Variants in PRDM16 observed in about 807,000 individuals in gnomAD.
The protein encoded by PRDM16 is PR/SET domain 16.
In PRDM16, 23 loss-of-function variants were observed where a neutral mutation model predicts 110.6. The ratio of observed to expected loss-of-function variants is 0.21; its 90% CI spans 0.15 to 0.29. The LOEUF (loss-of-function observed/expected upper bound fraction) is 0.29, where lower values mean the gene tolerates loss of function less well. Among genes scored for constraint, PRDM16 ranks in the 10% least tolerant of loss-of-function variants. The pLI, the probability that PRDM16 is intolerant of heterozygous loss-of-function variation, is 1.00. For missense variants in PRDM16, 1,615 were observed against 1,794.3 expected (o/e 0.90, Z 1.81); for synonymous variants, 799 against 781.8 (o/e 1.02, Z -0.37).
At chr1:3,117,981 T>C (rs750512024) in intron 1 of PRDM16, among the ~76,000 whole-genome samples, 6 of 152,050 alleles carry the variant, frequency 3.9e-5, no homozygotes, top group African/African-American at 7.3e-5. Flanking sequence ...ATGCTGTGTG[T>C]GTGTACATGC....
intron 3 of PRDM16, among the ~76,000 whole-genome samples, chr1:3,332,378 C>T (rs1038676859): frequency 4.4e-5 from 4 of 91,158 alleles, no homozygotes; most frequent in Non-Finnish European, 8.7e-5. Context: ...CCTCTAATGT[C>T]GGGGTGGTGT....
intron 1 of PRDM16, among the ~76,000 whole-genome samples, chr1:3,096,994 G>C (rs919965055): frequency 6.6e-6 from 1 of 152,144 alleles, no homozygotes; most frequent in African/African-American, 2.4e-5. Context: ...TAGAGTCTCG[G>C]CTCCCTCTGG....
At chr1:3,378,264 A>G (rs1643029987) in intron 3 of PRDM16, among the ~76,000 whole-genome samples, 1 of 152,174 alleles carries the variant, frequency 6.6e-6, no homozygotes, top group Non-Finnish European at 1.5e-5. Context: ...CCCTGGTCAG[A>G]TGCAACTTGG....
At chr1:3,202,479 C>T (rs1362144046) in intron 2 of PRDM16, among the ~76,000 whole-genome samples, 5 of 152,122 alleles carry the variant, frequency 3.3e-5, no homozygotes, top group South Asian at 2.1e-4. Context: ...TGGTCACAGG[C>T]GACTTCAGAA....
chr1:3,387,071 A>C (rs145580180), intron 4 of PRDM16, among the ~76,000 whole-genome samples: 5 of 152,318 alleles, frequency 3.3e-5, no homozygotes, highest in African/African-American at 1.2e-4. Context: ...TCCAAAAGGA[A>C]TGGACTGCTT....
At chr1:3,340,744 G>A (rs576526160) in intron 3 of PRDM16, among the ~76,000 whole-genome samples, 8 of 152,334 alleles carry the variant, frequency 5.3e-5, no homozygotes, top group African/African-American at 1.9e-4. Flanking sequence ...GACGTGTTTT[G>A]TAAAGGCCAT....
chr1:3,087,824 G>A (rs1410368839), intron 1 of PRDM16, among the ~76,000 whole-genome samples: 2 of 151,920 alleles, frequency 1.3e-5, no homozygotes, highest in Non-Finnish European at 2.9e-5. Context: ...TGGACAACAA[G>A]TCTCTGGTTA....
At chr1:3,376,813 C>G (rs780060772) in intron 3 of PRDM16, among the ~76,000 whole-genome samples, 1 of 150,838 alleles carries the variant, frequency 6.6e-6, no homozygotes, top group South Asian at 2.1e-4. Flanking sequence ...CCCAGGCTTG[C>G]TGACCGCCGA....
At chr1:3,423,307 G>A (rs1041841456) in intron 12 of PRDM16, among the ~76,000 whole-genome samples, 26 of 152,194 alleles carry the variant, frequency 1.7e-4, no homozygotes, top group Non-Finnish European at 2.9e-4. Context: ...TCTCACGGCC[G>A]CAGCCCCTGC....
intron 10 of PRDM16, 107 bp downstream of exon 10, chr1:3,414,754 G>A (rs1165320110): frequency 1.2e-6 from 1 of 822,002 alleles, no homozygotes; most frequent in Non-Finnish European, 2.0e-6. Flanking sequence ...TCCCCGTCCA[G>A]GCCATACCAC....
chr1:3,325,554 T>C (rs1464512182), intron 3 of PRDM16, among the ~76,000 whole-genome samples: 3 of 152,228 alleles, frequency 2.0e-5, no homozygotes, highest in Non-Finnish European at 1.5e-5. Flanking sequence ...ACTGTGTTTA[T>C]TTCCTGGAGC....
At chr1:3,202,363 A>G in intron 2 of PRDM16, among the ~76,000 whole-genome samples, 1 of 103,046 alleles carries the variant, frequency 9.7e-6, no homozygotes, top group African/African-American at 3.9e-5. Context: ...GAGGCTGGGG[A>G]AGCCTAGGGG....
At chr1:3,292,365 T>G (rs1247089099) in intron 3 of PRDM16, among the ~76,000 whole-genome samples, 2 of 152,140 alleles carry the variant, frequency 1.3e-5, no homozygotes, top group Non-Finnish European at 2.9e-5. Flanking sequence ...ATCAAAGTGG[T>G]GTCCGGCTCT....
chr1:3,142,131 TC>T (rs1249027175), intron 1 of PRDM16, among the ~76,000 whole-genome samples: 1 of 152,000 alleles, frequency 6.6e-6, no homozygotes, highest in Non-Finnish European at 1.5e-5. Flanking sequence ...CTCCATCGGC[TC>T]CCCCCGTCCA....
chr1:3,218,969 C>A (rs553685970), intron 2 of PRDM16, among the ~76,000 whole-genome samples: 8 of 152,364 alleles, frequency 5.3e-5, no homozygotes, highest in Admixed American at 3.3e-4. Context: ...TCCGAAAGTT[C>A]ACAGCCTGGG....
intron 1 of PRDM16, among the ~76,000 whole-genome samples, chr1:3,102,377 T>C (rs1642554067): frequency 6.6e-6 from 1 of 152,088 alleles, no homozygotes; most frequent in Non-Finnish European, 1.5e-5. Flanking sequence ...AGTCCTGGAA[T>C]AAAAGCTGTC....
Position 3,432,065 on chromosome 1 carries a change from A to T in PRDM16, c.3621A>T (p.Glu1207Asp), listed in dbSNP as rs199972068. The change falls in exon 16 of 17, where the codon GAA becomes GAT. Residue 1207 changes from glutamate to aspartate, a missense_variant. Transcript: ENST00000270722. ...DLRRAAEEAF[E>D]VKDVLNSTLD... Reference sequence around the variant, plus strand: ...GCAGAGCAGCTGAGGAAGCATTTGAAGTTAAAGATGTGCTTAATTCCACCT... The same window carrying T: ...GCAGAGCAGCTGAGGAAGCATTTGATGTTAAAGATGTGCTTAATTCCACCT... 1.4e-3 allele frequency: 2,239 copies of T among 1,614,104 alleles called. 1 individual carries two copies. Among genetic ancestry groups the T allele is most frequent in the Non-Finnish European group, 1.8e-3 (2,068 of 1,180,020 alleles).
At chr1:3,262,381 G>A (rs570927428) in intron 3 of PRDM16, among the ~76,000 whole-genome samples, 15 of 152,356 alleles carry the variant, frequency 9.8e-5, no homozygotes, top group Admixed American at 2.6e-4. Context: ...GAGTCCATCT[G>A]AAGGCAAAGC....
chr1:3,180,616 G>C (rs879628143), intron 1 of PRDM16, among the ~76,000 whole-genome samples: 2 of 150,948 alleles, frequency 1.3e-5, no homozygotes, highest in Non-Finnish European at 2.9e-5. Context: ...GGGCCTAGAC[G>C]AGGGCAGCCC....
Sources: allele counts gnomAD v4.1 joint callset (sites outside exome capture counted in the v4.1 genomes callset), GRCh38; gene constraint gnomAD v4.1.1; transcripts MANE v1.5; gene names NCBI Gene and HGNC (gene_info 2026-07-23, HGNC 2026-07-21).